Variants in NR1D1 observed in about 807,000 individuals in gnomAD.
The protein encoded by NR1D1 is nuclear receptor subfamily 1 group D member 1.
In NR1D1, 17 loss-of-function variants were observed where a neutral mutation model predicts 51.1. That is an observed-to-expected ratio of 0.33 (90% CI 0.23 to 0.50). NR1D1 has a LOEUF of 0.50. NR1D1 is among the 20% of genes least tolerant of loss of function. NR1D1 has a pLI of 0.98. For missense variants in NR1D1, 647 were observed against 830.4 expected (o/e 0.78, Z 2.71); for synonymous variants, 341 against 333.4 (o/e 1.02, Z -0.25).
intron 4 of NR1D1, 32 bp downstream of exon 4, chr17:40,096,411 G>A: frequency 6.2e-7 from 1 of 1,613,490 alleles, no homozygotes; most frequent in South Asian, 1.1e-5. Context: ...TTGGGCGGAA[G>A]AAGGGGGGAG....
In NR1D1 at chr17:40,100,358, C is replaced by G. The variant is rs1293746409; in HGVS notation, c.-264G>C. 1.7e-6 allele frequency: 1 copy of G among 596,802 alleles called. No individual in the cohort carries two copies. Among genetic ancestry groups the G allele is most frequent in the East Asian group, 2.8e-5 (1 of 36,034 alleles). 37.0% of individuals were successfully genotyped at this position (596,802 alleles called of 1,614,324 possible). On this transcript the variant is annotated 5_prime_UTR_variant, in exon 1 of 8. Transcript: ENST00000246672. ...TAGGGGGAATCAGCCTGCAGTAGTT[C>G]TGGCTAGAAGGTAGCAAGGAGGGTC...
intron 1 of NR1D1, 66 bp downstream of exon 1, chr17:40,099,997 TA>T: frequency 8.4e-7 from 1 of 1,189,724 alleles, no homozygotes. Context: ...TTCCTCTTTT[TA>T]TAAGGCGTAG....
intron 4 of NR1D1, among the ~76,000 whole-genome samples, 164 bp from the exon 5 acceptor site, chr17:40,096,251 G>A (rs1439410810): frequency 6.6e-6 from 1 of 152,136 alleles, no homozygotes; most frequent in African/African-American, 2.4e-5. Context: ...AGGAGGGATT[G>A]CTGGTAGGAG....
At chr17:40,099,294 A>G (rs1987828506) in intron 1 of NR1D1, among the ~76,000 whole-genome samples, 1 of 152,186 alleles carries the variant, frequency 6.6e-6, no homozygotes, top group Admixed American at 6.5e-5. Flanking sequence ...GAACGATAGC[A>G]GGGCCAGGAC....
At position 40,100,213 on chromosome 17, in the gene NR1D1, G is replaced by A; in HGVS notation, c.-119C>T. 1.2e-6 allele frequency: 1 copy of A among 800,938 alleles called. No individual in the cohort carries two copies. The highest frequency in any genetic ancestry group is 1.4e-5 in the South Asian group (1 of 72,522). 49.6% of individuals were successfully genotyped at this position (800,938 alleles called of 1,614,324 possible). Reference sequence around the variant, plus strand: ...GCGGGGAGTGGACCCCGCGACTCACGATCAGGATCCGAAGCACCCTGCAGC... The same window carrying A: ...GCGGGGAGTGGACCCCGCGACTCACAATCAGGATCCGAAGCACCCTGCAGC... On this transcript the variant is annotated 5_prime_UTR_variant, in exon 1 of 8. Transcript: ENST00000246672.
chr17:40,098,045 C>T (rs10451256), intron 1 of NR1D1, among the ~76,000 whole-genome samples: 1 of 152,144 alleles, frequency 6.6e-6, no homozygotes, highest in Non-Finnish European at 1.5e-5. Context: ...CTTCGAGGTG[C>T]GAGTTGCAGG....
rs750476120 is a variant in NR1D1, at chr17:40,093,985, G to A, written c.1572C>T (p.Ser524=). ...GDLLSAMFDF[S]EKLNSLALTE... ...TAAGCGCCAGGGAGTTGAGCTTCTCGCTGAAGTCGAACATGGCACTGAGCA... is the reference window on the plus strand; with the variant it reads ...TAAGCGCCAGGGAGTTGAGCTTCTCACTGAAGTCGAACATGGCACTGAGCA... The change falls in exon 7 of 8, where the codon AGC becomes AGT. Residue 524 remains serine (S), a synonymous_variant. Transcript: ENST00000246672. This position sits in a 1 kb window ranked among gnomAD's most constrained non-coding sequence, Gnocchi z 5.9. 21 of 1,613,910 alleles carry A rather than the reference G, an allele frequency of 1.3e-5. No individual in the cohort carries two copies. In the East Asian group the frequency reaches 2.7e-4, roughly 21 times the overall value.
Position 40,097,214 on chromosome 17 carries a change from C to G in NR1D1, c.221G>C (p.Ser74Thr). 6.2e-7 allele frequency: 1 copy of G among 1,611,446 alleles called. No individual in the cohort carries two copies. The highest frequency in any genetic ancestry group is 8.5e-7 in the Non-Finnish European group (1 of 1,178,226). The change falls in exon 2 of 8, where the codon AGC becomes ACC. Residue 74 changes from serine to threonine, a missense_variant. Ser to Thr is a moderately conservative substitution (Grantham distance 58, BLOSUM62 1). Around this residue, in one of 7 missense-constraint regions of NR1D1, gnomAD observed 98 missense variants for 94.7 expected, o/e 1.03. Coordinates refer to ENST00000246672, the MANE Select transcript of NR1D1 (RefSeq NM_021724.5). ...AGAAGGGGAGCCGTCATCACTCAGG[C>G]TGGGTGGAATGCTCCCAAAGGAGCG... ...PARSFGSIPP[S>T]LSDDGSPSSS... is the part of the protein sequence containing the mutation.
intron 1 of NR1D1, among the ~76,000 whole-genome samples, chr17:40,098,295 G>A (rs1339336208): frequency 6.6e-6 from 1 of 152,204 alleles, no homozygotes; most frequent in Non-Finnish European, 1.5e-5. Flanking sequence ...AGGATCCCAG[G>A]ACACATGTGA....
chr17:40,098,527 C>A (rs1037215982), intron 1 of NR1D1, among the ~76,000 whole-genome samples: 1 of 152,144 alleles, frequency 6.6e-6, no homozygotes, highest in African/African-American at 2.4e-5. Flanking sequence ...CCTAGTTCAC[C>A]CATCCCCCAA....
Position 40,092,925 on chromosome 17 carries a change from T to C in NR1D1, c.*158A>G. 1 of 1,502,852 alleles carries C rather than the reference T, an allele frequency of 6.7e-7. No individual in the cohort carries two copies. The highest frequency in any genetic ancestry group is 1.3e-5 in the South Asian group (1 of 74,190). 93.1% of individuals were successfully genotyped at this position (1,502,852 alleles called of 1,614,324 possible). ...GTGATGGGGGAGGGAGGCAGGTATT[T>C]ACAAGAAGGCTCAGGGGGCCAGAGG... On this transcript the variant is annotated 3_prime_UTR_variant, in exon 8 of 8. Transcript: ENST00000246672.
chr17:40,099,035 C>T (rs1351154732), intron 1 of NR1D1, among the ~76,000 whole-genome samples: 1 of 131,244 alleles, frequency 7.6e-6, no homozygotes, highest in Admixed American at 8.1e-5. Flanking sequence ...GCAGGCGGAC[C>T]GGAAAAGGAG....
In NR1D1 at chr17:40,097,321, A is replaced by T; in HGVS notation, c.114T>A (p.Asn38Lys). The T allele has an allele frequency of 6.2e-7, 1 of 1,614,112 alleles. No individual in the cohort carries two copies. The highest frequency in any genetic ancestry group is 8.5e-7 in the Non-Finnish European group (1 of 1,180,010). ...SPESLYSDNS[N>K]GSFQSLTQGC... ...CTTGGGTCAGGGACTGGAAGCTGCC[A>T]TTGGAGTTGTCACTATAGAGGGATT... Residue 38 changes from asparagine to lysine, a missense_variant, in exon 2 of 8, where the codon AAT becomes AAA. Asn to Lys is a moderately conservative substitution (Grantham distance 94). Coordinates refer to ENST00000246672, the MANE Select transcript of NR1D1 (RefSeq NM_021724.5).
At chr17:40,096,128 T>C (rs1339921220) in intron 4 of NR1D1, 41 bp from the exon 5 acceptor site, 4 of 1,588,684 alleles carry the variant, frequency 2.5e-6, no homozygotes, top group Admixed American at 1.7e-5. Flanking sequence ...TTCTCAACCA[T>C]GCTCACGTGC....
chr17:40,093,361 A>G lies in NR1D1; in HGVS notation c.1646-79T>C, dbSNP rs1222093087. On this transcript the variant is annotated intron_variant, in intron 7 of 7. Transcript: ENST00000246672. The surrounding 1 kb of genome is among the most constrained non-coding windows in gnomAD (Gnocchi z 5.9). ...AACCGGAGGTCTGCGAGGACCTGGCAGGCAATGCAGCCTCTCCCTGAAGCC... is the reference window on the plus strand; with the variant it reads ...AACCGGAGGTCTGCGAGGACCTGGCGGGCAATGCAGCCTCTCCCTGAAGCC... 2 of 1,611,804 alleles carry G rather than the reference A, an allele frequency of 1.2e-6. No individual in the cohort carries two copies. The highest frequency in any genetic ancestry group is 1.1e-5 in the South Asian group (1 of 90,986).
At position 40,096,791 on chromosome 17, in the gene NR1D1, A is replaced by G; in HGVS notation, c.371-12T>C. 6.2e-7 allele frequency: 1 copy of G among 1,613,874 alleles called. No homozygotes were observed. The highest frequency in any genetic ancestry group is 8.5e-7 in the Non-Finnish European group (1 of 1,179,820). On this transcript the variant is annotated splice_polypyrimidine_tract_variant and intron_variant, in intron 2 of 7. Transcript: ENST00000246672. ...CATGCCATTCAGCTCTGTGGAAGAG[A>G]CGGGCAGCAGGTGAGCAGGAGAGGC...
intron 6 of NR1D1, 148 bp from the exon 7 acceptor site, chr17:40,094,270 A>T: frequency 2.9e-6 from 2 of 681,606 alleles, no homozygotes; most frequent in Admixed American, 4.7e-5. Flanking sequence ...GAGGGAGCCC[A>T]GGTGGAAGGA....
chr17:40,096,279 T>C (rs1410045519), intron 4 of NR1D1, among the ~76,000 whole-genome samples, 164 bp downstream of exon 4: 1 of 151,874 alleles, frequency 6.6e-6, no homozygotes, highest in Non-Finnish European at 1.5e-5. Flanking sequence ...GAGGGACCAA[T>C]GGGATAGAAG....
intron 1 of NR1D1, among the ~76,000 whole-genome samples, chr17:40,098,689 T>C (rs1267726621): frequency 6.6e-6 from 1 of 151,922 alleles, no homozygotes; most frequent in African/African-American, 2.4e-5. Context: ...TTCCTTTCTG[T>C]GAGAAAAAAA....
Sources: gnomAD v4.1 joint callset for allele counts (sites outside exome capture counted in the v4.1 genomes callset) on GRCh38, gnomAD v4.1.1 for gene constraint, gnomAD v4.1.1 regional missense constraint, Gnocchi (gnomAD v3.1) non-coding constraint, MANE v1.5 for transcripts, NCBI Gene and HGNC (gene_info 2026-07-23, HGNC 2026-07-21) for gene names.